KIRREL3: variants seen among roughly 807,000 people sequenced by gnomAD.
KIRREL3 encodes the protein kirre like nephrin family adhesion molecule 3.
In KIRREL3, 36 loss-of-function variants were observed where a neutral mutation model predicts 89.7. That is an observed-to-expected ratio of 0.40 (90% CI 0.31 to 0.53). KIRREL3 has a LOEUF of 0.53. Ranked by LOEUF, KIRREL3 falls within the 20% of genes least tolerant of loss-of-function variation. The pLI, the probability that KIRREL3 is intolerant of heterozygous loss-of-function variation, is 0.49. For synonymous variants in KIRREL3, 445 were observed against 441.4 expected (o/e 1.01, Z -0.10); for missense variants, 864 against 1,056.6 (o/e 0.82, Z 2.53).
At chr11:126,539,481 G>C (rs539318477) in intron 2 of KIRREL3, among the ~76,000 whole-genome samples, 5 of 152,286 alleles carry the variant, frequency 3.3e-5, no homozygotes, top group African/African-American at 1.2e-4. Flanking sequence ...ATAATCTGAA[G>C]ACAGGGAGAC....
At chr11:126,466,467 G>A (rs1241621289) in intron 5 of KIRREL3, among the ~76,000 whole-genome samples, 2 of 152,230 alleles carry the variant, frequency 1.3e-5, no homozygotes, top group Non-Finnish European at 2.9e-5. Flanking sequence ...GTGGGACAGA[G>A]CTGGGGGGCC....
At position 126,791,098 on chromosome 11, in the gene KIRREL3, C is replaced by T. The variant is rs768892998; in HGVS notation, c.55+209357G>A. Among the ~76,000 whole-genome samples, 5 of 152,036 alleles carry T rather than the reference C, an allele frequency of 3.3e-5. No homozygotes were observed. The highest frequency in any genetic ancestry group is 1.9e-4 in the East Asian group (1 of 5,186). ...GATCCTTGAAATGGTCTTTTTCTAC[C>T]GTTAGGACAGGAAGGAAAAACCATC... is the stretch of plus-strand genomic sequence containing the variant. On this transcript the variant is annotated intron_variant, in intron 1 of 16. Transcript: ENST00000525144. This position sits in a 1 kb window ranked among gnomAD's most constrained non-coding sequence, Gnocchi z 4.8.
rs1309567158 is a variant in KIRREL3 at position 126,565,891 on chromosome 11, G to A, written c.56-2979C>T. Among the ~76,000 whole-genome samples the A allele has an allele frequency of 6.6e-6, 1 of 152,038 alleles. No homozygotes were observed. Among genetic ancestry groups the A allele is most frequent in the Non-Finnish European group, 1.5e-5 (1 of 68,010 alleles). ...GACTCTACCAAGCCAAACTAACTAG[G>A]TTATTAGGAGAGAGATGATAGAACA... On this transcript the variant is annotated intron_variant, in intron 1 of 16. Transcript: ENST00000525144. The surrounding 1 kb of genome is among the most constrained non-coding windows in gnomAD (Gnocchi z 5.4).
chr11:126,658,989 C>G (rs1486712850), intron 1 of KIRREL3, among the ~76,000 whole-genome samples: 2 of 152,206 alleles, frequency 1.3e-5, no homozygotes, highest in Non-Finnish European at 2.9e-5. Context: ...TTCTATCTCA[C>G]AAGGAGACGA....
rs78178884 is a variant in KIRREL3, at chr11:126,788,142, C to G, written c.55+212313G>C. The stretch of plus-strand genomic sequence containing the variant: ...CCCATAGCATCTAAAATCTGCTAGA[C>G]ATTGTGTGCAAAAAGAGTGGGTGAT... On this transcript the variant is annotated intron_variant, in intron 1 of 16. Transcript: ENST00000525144. The surrounding 1 kb of genome is among the most constrained non-coding windows in gnomAD (Gnocchi z 4.1). Among the ~76,000 whole-genome samples the G allele has an allele frequency of 6.6e-6, 1 of 152,342 alleles. No homozygotes were observed. Among genetic ancestry groups the G allele is most frequent in the East Asian group, 1.9e-4 (1 of 5,186 alleles).
chr11:126,649,695 G>C (rs745478042), intron 1 of KIRREL3, among the ~76,000 whole-genome samples: 1 of 152,180 alleles, frequency 6.6e-6, no homozygotes, highest in Non-Finnish European at 1.5e-5. Context: ...CCTCCCAGCT[G>C]CTTTCACAGG....
chr11:126,876,545 T>G lies in KIRREL3; in HGVS notation c.55+123910A>C, dbSNP rs1945292760. ...TACATACTCATAAATATGCTTTTTTTTTTTTTTTTTGAGATGGAGTCTTGC... is the reference window on the plus strand; with the variant it reads ...TACATACTCATAAATATGCTTTTTTGTTTTTTTTTTGAGATGGAGTCTTGC... On this transcript the variant is annotated intron_variant, in intron 1 of 16. Coordinates refer to ENST00000525144, the MANE Select transcript of KIRREL3 (RefSeq NM_032531.4). The surrounding 1 kb of genome is among the most constrained non-coding windows in gnomAD (Gnocchi z 4.1). Among the ~76,000 whole-genome samples, 1 of 151,588 alleles carries G rather than the reference T, an allele frequency of 6.6e-6. No homozygotes were observed. Among genetic ancestry groups the G allele is most frequent in the East Asian group, 1.9e-4 (1 of 5,138 alleles).
chr11:126,625,741 C>T (rs903241515), intron 1 of KIRREL3, among the ~76,000 whole-genome samples: 1 of 152,160 alleles, frequency 6.6e-6, no homozygotes, highest in Non-Finnish European at 1.5e-5. Flanking sequence ...CATCTTTCCC[C>T]CACCTGCTGC....
In KIRREL3 at chr11:126,656,511, C is replaced by T. The variant is rs534499154; in HGVS notation, c.56-93599G>A. Among the ~76,000 whole-genome samples, 41 of 152,208 alleles carry T rather than the reference C, an allele frequency of 2.7e-4. No individual in the cohort carries two copies. Among genetic ancestry groups the T allele is most frequent in the African/African-American group, 9.9e-4 (41 of 41,522 alleles). ...GTGGAATCTCAACATACAAAATTGG[C>T]ATAAGTGGGGGATAAGGCAGCAGGT... On this transcript the variant is annotated intron_variant, in intron 1 of 16. Transcript: ENST00000525144. This position sits in a 1 kb window ranked among gnomAD's most constrained non-coding sequence, Gnocchi z 4.0.
At chr11:126,882,432 C>G in intron 1 of KIRREL3, among the ~76,000 whole-genome samples, 1 of 152,148 alleles carries the variant, frequency 6.6e-6, no homozygotes, top group Middle Eastern at 3.2e-3. Flanking sequence ...ACAAATCATC[C>G]CTACCTATTT....
Position 126,811,820 on chromosome 11 carries a change from C to T in KIRREL3, c.55+188635G>A, listed in dbSNP as rs191983194. Among the ~76,000 whole-genome samples the T allele has an allele frequency of 6.2e-4, 94 of 152,290 alleles. No homozygotes were observed. The highest frequency in any genetic ancestry group is 2.1e-3 in the African/African-American group (87 of 41,564). The stretch of plus-strand genomic sequence containing the variant: ...CAGGCTAGTCTCAAACTCCTGAACT[C>T]GGGTGATCCACCCGCCTTGGCCTCA... On this transcript the variant is annotated intron_variant, in intron 1 of 16. Transcript: ENST00000525144. The surrounding 1 kb of genome is among the most constrained non-coding windows in gnomAD (Gnocchi z 4.3).
At position 126,568,677 on chromosome 11, in the gene KIRREL3, T is replaced by G. The variant is rs1339478835; in HGVS notation, c.56-5765A>C. Among the ~76,000 whole-genome samples the G allele has an allele frequency of 1.3e-5, 2 of 152,186 alleles. No homozygotes were observed. The highest frequency in any genetic ancestry group is 2.9e-5 in the Non-Finnish European group (2 of 68,030). ...TAGGCTTCTCTGAGCTTTGGTTTCC[T>G]CATTTATAAAACGTTGATTCTAACG... On this transcript the variant is annotated intron_variant, in intron 1 of 16. Transcript: ENST00000525144. The surrounding 1 kb of genome is among the most constrained non-coding windows in gnomAD (Gnocchi z 4.6).
rs898481090 is a variant in KIRREL3, at chr11:126,636,512, C to T, written c.56-73600G>A. Among the ~76,000 whole-genome samples the T allele has an allele frequency of 2.6e-5, 4 of 152,170 alleles. No individual in the cohort carries two copies. The highest frequency in any genetic ancestry group is 6.5e-5 in the Admixed American group (1 of 15,272). ...ACTGGATATGTGGCAGCTCTGCCTT[C>T]GTGTTGGGCTCACATTACAGACATT... On this transcript the variant is annotated intron_variant, in intron 1 of 16. Coordinates refer to ENST00000525144, the MANE Select transcript of KIRREL3 (RefSeq NM_032531.4). The surrounding 1 kb of genome is among the most constrained non-coding windows in gnomAD (Gnocchi z 4.4).
chr11:126,847,313 TAAG>T (rs1490396330), intron 1 of KIRREL3, among the ~76,000 whole-genome samples: 1 of 151,894 alleles, frequency 6.6e-6, no homozygotes, highest in African/African-American at 2.4e-5. Flanking sequence ...TCAGTAATAA[TAAG>T]AATTGTTACA....
At chr11:126,542,494 T>G (rs2134497654) in intron 2 of KIRREL3, among the ~76,000 whole-genome samples, 1 of 152,304 alleles carries the variant, frequency 6.6e-6, no homozygotes, top group Non-Finnish European at 1.5e-5. Context: ...ATGGATATGT[T>G]TGATGTTCTA....
intron 4 of KIRREL3, among the ~76,000 whole-genome samples, chr11:126,479,147 C>G (rs1277173661): frequency 2.0e-5 from 3 of 152,164 alleles, no homozygotes; most frequent in Admixed American, 6.5e-5. Context: ...CTGCCGCAGA[C>G]CCAGGGGCTC....
At position 126,999,149 on chromosome 11, in the gene KIRREL3, A is replaced by AGTGT. The variant is rs56695003; in HGVS notation, c.55+1302_55+1305dup. Reference sequence around the variant, plus strand: ...AAGCACACAACCATATGAATACATGAGTGTGTGTGTGTGTGTGTGTGTACA... The same window carrying AGTGT: ...AAGCACACAACCATATGAATACATGAGTGTGTGTGTGTGTGTGTGTGTGTGTACA... On this transcript the variant is annotated intron_variant, in intron 1 of 16. Coordinates refer to ENST00000525144, the MANE Select transcript of KIRREL3 (RefSeq NM_032531.4). This position sits in a 1 kb window ranked among gnomAD's most constrained non-coding sequence, Gnocchi z 5.7. Among the ~76,000 whole-genome samples the AGTGT allele has an allele frequency of 0.067, 9,535 of 141,262 alleles. 397 individuals carry two copies. Among genetic ancestry groups the AGTGT allele is most frequent in the East Asian group, 0.13 (618 of 4,790 alleles). 92.7% of individuals were successfully genotyped at this position (141,262 alleles called of 152,430 possible). A position where few individuals can be genotyped will look rare whatever the true frequency, so the allele number is the denominator to read the frequency against.
intron 1 of KIRREL3, among the ~76,000 whole-genome samples, chr11:126,928,801 G>C (rs990457499): frequency 6.6e-6 from 1 of 152,206 alleles, no homozygotes; most frequent in African/African-American, 2.4e-5. Context: ...TCACGAAGGA[G>C]AGGGAAGAAT....
chr11:126,889,235 C>T (rs899743980), intron 1 of KIRREL3, among the ~76,000 whole-genome samples: 1 of 151,708 alleles, frequency 6.6e-6, no homozygotes, highest in African/African-American at 2.4e-5. Flanking sequence ...TATTCTCCCC[C>T]TGCCCCTCAA....
Sources: allele counts gnomAD v4.1 joint callset (sites outside exome capture counted in the v4.1 genomes callset), GRCh38; gene constraint gnomAD v4.1.1; non-coding constraint Gnocchi (gnomAD v3.1); transcripts MANE v1.5; gene names NCBI Gene and HGNC (gene_info 2026-07-23, HGNC 2026-07-21).